The following FAT1 variants were observed in gnomAD, a reference collection of about 807,000 sequenced individuals.
FAT1 encodes the protein protocadherin Fat 1.
A neutral mutation model predicts 329.8 loss-of-function variants in FAT1; 171 were observed. The ratio of observed to expected loss-of-function variants is 0.52; its 90% CI spans 0.46 to 0.59. The LOEUF is 0.59. Among genes scored for constraint, FAT1 ranks in the 20% least tolerant of loss-of-function variants. The probability of loss-of-function intolerance (pLI) is 0.00; values close to 1 mark genes in which losing one functional copy is unlikely to be tolerated. For missense variants in FAT1, 5,672 were observed against 5,774.4 expected (o/e 0.98, Z 0.57); for synonymous variants, 2,233 against 2,228.6 (o/e 1.00, Z -0.06).
In FAT1 at chr4:186,702,435, G is replaced by C. The variant is rs1579475095; in HGVS notation, c.3265+4128C>G. On this transcript the variant is annotated intron_variant, in intron 2 of 26. Transcript: ENST00000441802. ...GGAAACACTCGTCCTGGGCTGCTTTGTATACTAACATTAACAGCCAAAAAG... is the reference window on the plus strand; with the variant it reads ...GGAAACACTCGTCCTGGGCTGCTTTCTATACTAACATTAACAGCCAAAAAG... Among the ~76,000 whole-genome samples, 10 of 152,110 alleles carry C rather than the reference G, an allele frequency of 6.6e-5. No homozygotes were observed. In the South Asian group the frequency reaches 2.1e-3, roughly 32 times the overall value.
upstream of FAT1, among the ~76,000 whole-genome samples, chr4:186,725,671 G>C (rs1350708698): frequency 6.6e-6 from 1 of 152,028 alleles, no homozygotes; most frequent in East Asian, 1.9e-4. This position sits in a 1 kb window ranked among gnomAD's most constrained non-coding sequence, Gnocchi z 5.4. Context: ...ATGCCTATTA[G>C]CTACCACAAA....
At chr4:186,606,857 C>A (rs1739168123) in intron 16 of FAT1, among the ~76,000 whole-genome samples, 1 of 152,250 alleles carries the variant, frequency 6.6e-6, no homozygotes, top group South Asian at 2.1e-4. Context: ...AGCCAGAAAG[C>A]TGGCTAGATC....
chr4:186,635,126 A>AGGCCT (rs1740767237), intron 6 of FAT1, among the ~76,000 whole-genome samples: 2 of 152,324 alleles, frequency 1.3e-5, no homozygotes, highest in East Asian at 1.9e-4. Context: ...TCCAAAGGTA[A>AGGCCT]GGCCTGGCCT....
Position 186,636,866 on chromosome 4 carries a change from C to A in FAT1, c.3691G>T (p.Val1231Phe), listed in dbSNP as rs1281554508. The A allele has an allele frequency of 3.7e-6, 6 of 1,613,696 alleles. No homozygotes were observed. The highest frequency in any genetic ancestry group is 4.2e-6 in the Non-Finnish European group (5 of 1,179,800). The change falls in exon 5 of 27, where the codon GTC becomes TTC. Residue 1231 changes from valine (V) to phenylalanine (F), a missense_variant. By Grantham distance (50) the Val-to-Phe change is conservative. Transcript: ENST00000441802. ...TTTTCATCAAGGATTTTCACAATGA[C>A]TCTTGCAATGGTTGATTTGGGGGGA... is the stretch of plus-strand genomic sequence containing the variant. ...GSPPKSTIAR[V>F]IVKILDENDN...
At chr4:186,639,461 C>A (rs777358394) in intron 4 of FAT1, among the ~76,000 whole-genome samples, 1 of 152,118 alleles carries the variant, frequency 6.6e-6, no homozygotes, top group Non-Finnish European at 1.5e-5. Context: ...CCTGTGTGTG[C>A]GCAAGCATAA....
chr4:186,692,464 C>T (rs979002698), intron 2 of FAT1, among the ~76,000 whole-genome samples: 3 of 152,138 alleles, frequency 2.0e-5, no homozygotes, highest in Non-Finnish European at 4.4e-5. Context: ...AGGCGCCCGC[C>T]ACCACGCCCG....
In FAT1 at chr4:186,617,187, C is replaced by T. The variant is rs753922518; in HGVS notation, c.8893G>A (p.Gly2965Arg). The change falls in exon 11 of 27, where the codon GGA becomes AGA. Residue 2965 changes from glycine to arginine, a missense_variant. Transcript: ENST00000441802. Reference protein sequence around the residue: ...TYFITGGDPLGQFAVETIQNE... With the variant: ...TYFITGGDPLRQFAVETIQNE... ...TGTATAGTTTCAACGGCAAACTGTC[C>T]TAAAGGATCCCCTCCTATTAAATCA... is the stretch of plus-strand genomic sequence containing the variant. The T allele has an allele frequency of 2.5e-6, 4 of 1,598,414 alleles. No homozygotes were observed. The highest frequency in any genetic ancestry group is 3.4e-6 in the Non-Finnish European group (4 of 1,172,820).
upstream of FAT1, among the ~76,000 whole-genome samples, chr4:186,725,315 A>G (rs537139759): frequency 6.6e-6 from 1 of 152,272 alleles, no homozygotes; most frequent in Admixed American, 6.5e-5. The surrounding 1 kb of genome is among the most constrained non-coding windows in gnomAD (Gnocchi z 5.4). Flanking sequence ...GTTTCCTGGG[A>G]GCGAGGAAGC....
At position 186,716,564 on chromosome 4, in the gene FAT1, CG is replaced by C. The variant is rs1198240834; in HGVS notation, c.-18-6720del. 2.6e-5 allele frequency among the ~76,000 whole-genome samples: 4 copies of C among 152,096 alleles called. No homozygotes were observed. The East Asian group carries it at 7.8e-4, about 30-fold the overall frequency. ...CGCCTCCGCCTCCGGGGTACCTGGGCGTACCACCATGCCCAGCTAATTTTTT... is the reference window on the plus strand; with the variant it reads ...CGCCTCCGCCTCCGGGGTACCTGGGCTACCACCATGCCCAGCTAATTTTTT... On this transcript the variant is annotated intron_variant, in intron 1 of 26. Transcript: ENST00000441802.
At chr4:186,668,134 G>A (rs1240151767) in intron 2 of FAT1, among the ~76,000 whole-genome samples, 1 of 152,194 alleles carries the variant, frequency 6.6e-6, no homozygotes, top group Non-Finnish European at 1.5e-5. Flanking sequence ...CACAAAGTGG[G>A]TGGAAGGAAG....
intron 3 of FAT1, among the ~76,000 whole-genome samples, chr4:186,657,305 A>G (rs1560971177): frequency 6.6e-6 from 1 of 152,246 alleles, no homozygotes; most frequent in Non-Finnish European, 1.5e-5. Flanking sequence ...ACAGCAATGA[A>G]AAGAAACGTA....
chr4:186,656,655 C>T (rs929134651), intron 3 of FAT1, among the ~76,000 whole-genome samples: 1 of 152,104 alleles, frequency 6.6e-6, no homozygotes. Context: ...CTGAGAAGTG[C>T]CATTCCGGCT....
intron 26 of FAT1, among the ~76,000 whole-genome samples, chr4:186,591,981 T>C (rs1422897897): frequency 6.6e-6 from 1 of 152,072 alleles, no homozygotes; most frequent in African/African-American, 2.4e-5. Flanking sequence ...AAATGCAAAT[T>C]CTAAAGTCCC....
chr4:186,663,684 C>A (rs2126619401), intron 2 of FAT1, 71 bp from the exon 3 acceptor site: 1 of 1,231,714 alleles, frequency 8.1e-7, no homozygotes, highest in Non-Finnish European at 1.1e-6. Context: ...AAAGTGTCAA[C>A]AACTACGGCT....
Position 186,636,612 on chromosome 4 carries a change from T to G in FAT1, c.3945A>C (p.Ser1315=). The G allele has an allele frequency of 6.2e-7, 1 of 1,612,684 alleles. No homozygotes were observed. Among genetic ancestry groups the G allele is most frequent in the South Asian group, 1.1e-5 (1 of 90,930 alleles). The change falls in exon 5 of 27, where the codon TCA becomes TCC. Residue 1315 remains serine (S), a synonymous_variant. Coordinates refer to ENST00000441802, the MANE Select transcript of FAT1 (RefSeq NM_005245.4). ...AAAGAATATCATATTCTCCAGCTGC[T>G]GAAAACCTCTTGGACGAAACCACTC... ...KTGVVSSKRF[S]AAGEYDILSI...
At chr4:186,691,405 G>A (rs771622277) in intron 2 of FAT1, among the ~76,000 whole-genome samples, 33 of 152,130 alleles carry the variant, frequency 2.2e-4, no homozygotes, top group Admixed American at 4.6e-4. Context: ...CACATTTTAA[G>A]TCACCATCTC....
intron 3 of FAT1, among the ~76,000 whole-genome samples, chr4:186,661,887 A>T (rs1742188766): frequency 6.6e-6 from 1 of 152,040 alleles, no homozygotes. Context: ...GGAAGAAGTG[A>T]ACACTCTTGG....
intron 10 of FAT1, 76 bp downstream of exon 10, chr4:186,617,632 C>T (rs1422028313): frequency 3.3e-6 from 4 of 1,217,610 alleles, no homozygotes; most frequent in Non-Finnish European, 4.5e-6. Flanking sequence ...AATTTCCATA[C>T]AATACAGATC....
intron 2 of FAT1, among the ~76,000 whole-genome samples, chr4:186,686,851 C>T (rs1410381231): frequency 6.6e-6 from 1 of 152,124 alleles, no homozygotes; most frequent in African/African-American, 2.4e-5. Flanking sequence ...CATAGGGATA[C>T]TTGGGAAGGA....
Sources: allele counts gnomAD v4.1 joint callset (sites outside exome capture counted in the v4.1 genomes callset), GRCh38; gene constraint gnomAD v4.1.1; non-coding constraint Gnocchi (gnomAD v3.1); transcripts MANE v1.5; gene names NCBI Gene and HGNC (gene_info 2026-07-23, HGNC 2026-07-21).